NUBPL: variants seen among roughly 807,000 people sequenced by gnomAD.
NUBPL encodes the protein NUBP iron-sulfur cluster assembly factor, mitochondrial, also known as iron-sulfur cluster transfer protein NUBPL.
NUBPL carries 31 observed loss-of-function variants against 45.7 expected under a neutral mutation model. The ratio of observed to expected loss-of-function variants is 0.68; its 90% CI spans 0.51 to 0.92. The LOEUF (loss-of-function observed/expected upper bound fraction) is 0.92. Among genes scored for constraint, NUBPL ranks in the 40% least tolerant of loss-of-function variants. The pLI is 0.00. For missense variants in NUBPL, 401 were observed against 398.7 expected, an observed-to-expected ratio of 1.01 and a Z score of -0.05; for synonymous variants, 144 against 140.9, an observed-to-expected ratio of 1.02 and a Z score of -0.15.
chr14:31,662,639 A>G (rs1489203686), intron 4 of NUBPL, among the ~76,000 whole-genome samples: 5 of 152,158 alleles, frequency 3.3e-5, no homozygotes, highest in Admixed American at 1.3e-4. Flanking sequence ...TGTCCCTACA[A>G]AGGACATGAA....
At chr14:31,622,060 G>A (rs1289651965) in intron 4 of NUBPL, among the ~76,000 whole-genome samples, 1 of 152,190 alleles carries the variant, frequency 6.6e-6, no homozygotes, top group East Asian at 1.9e-4. Flanking sequence ...AGATGGAGAT[G>A]AGGAACTTCT....
intron 6 of NUBPL, among the ~76,000 whole-genome samples, chr14:31,716,896 T>C (rs968068662): frequency 6.6e-6 from 1 of 152,134 alleles, no homozygotes; most frequent in African/African-American, 2.4e-5. Context: ...TCCCACTGTT[T>C]GTACTTATGG....
intron 7 of NUBPL, among the ~76,000 whole-genome samples, chr14:31,822,425 T>G (rs866863321): frequency 4.2e-4 from 64 of 152,300 alleles, no homozygotes; most frequent in Non-Finnish European, 8.8e-4. Context: ...TGCATTATTT[T>G]CTTATAAAAT....
intron 3 of NUBPL, among the ~76,000 whole-genome samples, chr14:31,575,026 A>G (rs889048829): frequency 2.4e-4 from 33 of 137,954 alleles, no homozygotes; most frequent in African/African-American, 9.1e-4. Flanking sequence ...TTCTTCTGTT[A>G]TTTCTTTTTT....
rs186003817 is a variant in NUBPL at position 31,717,451 on chromosome 14, T to C, written c.513+43877T>C. On this transcript the variant is annotated intron_variant, in intron 6 of 10. Transcript: ENST00000281081. Reference sequence around the variant, plus strand: ...TTTATACATGCTGCTTCCTGTGCCTTCTTTTCCCTACCTCTACCTGGTTGC... The same window carrying C: ...TTTATACATGCTGCTTCCTGTGCCTCCTTTTCCCTACCTCTACCTGGTTGC... Among the ~76,000 whole-genome samples, 348 of 152,296 alleles carry C rather than the reference T, an allele frequency of 2.3e-3. 1 individual carries two copies. The highest frequency in any genetic ancestry group is 8.0e-3 in the African/African-American group (332 of 41,562).
intron 8 of NUBPL, among the ~76,000 whole-genome samples, chr14:31,831,161 A>T (rs886364981): frequency 1.3e-5 from 2 of 151,810 alleles, no homozygotes; most frequent in African/African-American, 4.8e-5. Flanking sequence ...CTCCTGCCTC[A>T]GCCTCCCTAG....
chr14:31,638,947 A>T (rs1400245553), intron 4 of NUBPL, among the ~76,000 whole-genome samples: 1 of 152,054 alleles, frequency 6.6e-6, no homozygotes, highest in Non-Finnish European at 1.5e-5. Flanking sequence ...AGCTCCTTTA[A>T]GCACTTCTCT....
chr14:31,586,088 T>C (rs531881100), intron 3 of NUBPL, among the ~76,000 whole-genome samples: 1 of 152,268 alleles, frequency 6.6e-6, no homozygotes, highest in East Asian at 1.9e-4. Context: ...ACAGCAATGG[T>C]CATTCCTTTG....
intron 3 of NUBPL, among the ~76,000 whole-genome samples, chr14:31,588,018 G>T (rs2034039271): frequency 6.6e-6 from 1 of 152,108 alleles, no homozygotes; most frequent in Non-Finnish European, 1.5e-5. Context: ...TGTACAGAAA[G>T]GAGAAAGATG....
chr14:31,744,700 C>T lies in NUBPL; in HGVS notation c.514-43080C>T, dbSNP rs1443042471. Among the ~76,000 whole-genome samples the T allele has an allele frequency of 1.0e-4, 15 of 145,534 alleles. No homozygotes were observed. In the Admixed American group the frequency reaches 1.1e-3, roughly 10 times the overall value. The stretch of plus-strand genomic sequence containing the variant: ...GCAGTGGCACAATCTCGGCTCACTG[C>T]AACCTCCGCCTCCTAGGTTCAGGTA... On this transcript the variant is annotated intron_variant, in intron 6 of 10. Transcript: ENST00000281081.
At chr14:31,749,403 T>C (rs2038472572) in intron 6 of NUBPL, among the ~76,000 whole-genome samples, 2 of 152,240 alleles carry the variant, frequency 1.3e-5, no homozygotes, top group African/African-American at 4.8e-5. Flanking sequence ...TGGTGATGAA[T>C]TCCCTCAGTT....
chr14:31,604,304 A>C (rs2139575833), intron 4 of NUBPL, among the ~76,000 whole-genome samples: 1 of 152,242 alleles, frequency 6.6e-6, no homozygotes, highest in Non-Finnish European at 1.5e-5. Context: ...CTTATAAATT[A>C]TTTTTGAATC....
At chr14:31,587,994 TAA>T (rs2034038317) in intron 3 of NUBPL, among the ~76,000 whole-genome samples, 1 of 152,214 alleles carries the variant, frequency 6.6e-6, no homozygotes, top group Non-Finnish European at 1.5e-5. Context: ...CTTCCGTGCA[TAA>T]AGAGGTCTTG....
intron 3 of NUBPL, among the ~76,000 whole-genome samples, chr14:31,595,289 A>G (rs1408021713): frequency 6.6e-6 from 1 of 152,198 alleles, no homozygotes; most frequent in African/African-American, 2.4e-5. Flanking sequence ...GTTTTATGTC[A>G]TCTGCTAGAT....
At chr14:31,787,927 CT>C (rs2039313425) in intron 7 of NUBPL, 54 bp downstream of exon 7, 7 of 1,241,446 alleles carry the variant, frequency 5.6e-6, no homozygotes, top group Non-Finnish European at 8.3e-6. Context: ...GTTGTTATTG[CT>C]ATACCAAAAA....
At chr14:31,745,478 T>G (rs12878829) in intron 6 of NUBPL, among the ~76,000 whole-genome samples, 44,784 of 152,020 alleles carry the variant, frequency 0.29, 7,478 homozygotes, top group South Asian at 0.41. Flanking sequence ...ATTTTTTTAG[T>G]AGAGATGGGG....
chr14:31,639,530 G>A (rs963422904), intron 4 of NUBPL, among the ~76,000 whole-genome samples: 1 of 152,158 alleles, frequency 6.6e-6, no homozygotes, highest in Non-Finnish European at 1.5e-5. Context: ...CGGGGGTTAG[G>A]GGTCAGGGAC....
chr14:31,767,223 C>T (rs532147104), intron 6 of NUBPL, among the ~76,000 whole-genome samples: 4 of 152,176 alleles, frequency 2.6e-5, no homozygotes, highest in East Asian at 1.9e-4. Context: ...TTTTTTGAGA[C>T]GGAGTTTCGC....
chr14:31,730,879 T>G (rs1401294087), intron 6 of NUBPL, among the ~76,000 whole-genome samples: 3 of 152,202 alleles, frequency 2.0e-5, no homozygotes, highest in Non-Finnish European at 4.4e-5. Flanking sequence ...ATGTGTCAGT[T>G]TATTTTTTTT....
Sources: allele counts gnomAD v4.1 joint callset (sites outside exome capture counted in the v4.1 genomes callset), GRCh38; gene constraint gnomAD v4.1.1; transcripts MANE v1.5; gene names NCBI Gene and HGNC (gene_info 2026-07-23, HGNC 2026-07-21).